The following OSBPL10 variants were observed in gnomAD, a reference collection of about 807,000 sequenced individuals.
OSBPL10 encodes the protein oxysterol-binding protein-related protein 10.
In OSBPL10, 49 loss-of-function variants were observed where a neutral mutation model predicts 81.7. The observed-to-expected ratio is 0.60, with a 90% confidence interval of 0.48 to 0.76. The LOEUF is 0.76. OSBPL10 is among the 30% of genes least tolerant of loss of function. The pLI is 0.00. For synonymous variants in OSBPL10, 419 were observed against 383.6 expected, an observed-to-expected ratio of 1.09 and a Z score of -1.08; for missense variants, 923 against 987.8, an observed-to-expected ratio of 0.93 and a Z score of 0.88.
At chr3:32,044,076 T>C (rs1437759157) in intron 2 of OSBPL10, among the ~76,000 whole-genome samples, 1 of 152,130 alleles carries the variant, frequency 6.6e-6, no homozygotes, top group African/African-American at 2.4e-5. Context: ...AGCCTGAACA[T>C]GTATCCCTTA....
chr3:31,832,706 T>A (rs1292551709), intron 3 of OSBPL10, among the ~76,000 whole-genome samples: 4 of 152,118 alleles, frequency 2.6e-5, no homozygotes, highest in Non-Finnish European at 5.9e-5. Context: ...CCAGAAAATG[T>A]CAAAGAAGTG....
At chr3:32,026,099 T>TAG (rs374883591) in intron 2 of OSBPL10, among the ~76,000 whole-genome samples, 11 of 148,428 alleles carry the variant, frequency 7.4e-5, no homozygotes, top group African/African-American at 2.2e-4. Context: ...AGATGATAGA[T>TAG]AGATAGAGAT....
At chr3:31,951,348 CAG>C (rs1486227390) in intron 1 of OSBPL10, among the ~76,000 whole-genome samples, 1 of 151,364 alleles carries the variant, frequency 6.6e-6, no homozygotes, top group African/African-American at 2.4e-5. Context: ...CTAAATAATA[CAG>C]AGAGATAACA....
chr3:31,766,483 T>C lies in OSBPL10; in HGVS notation c.730-18363A>G, dbSNP rs191243006. ...TCAGCTTCCCAAGTAGCTGGGAGTA[T>C]AGGCTCACACCATGACACCCAGATA... On this transcript the variant is annotated intron_variant, in intron 4 of 11. Coordinates refer to ENST00000396556, the MANE Select transcript of OSBPL10 (RefSeq NM_017784.5). Among the ~76,000 whole-genome samples the C allele has an allele frequency of 3.7e-4, 56 of 151,956 alleles. No individual in the cohort carries two copies. The East Asian group carries it at 0.01, about 28-fold the overall frequency.
chr3:31,937,241 G>A (rs950462291), intron 1 of OSBPL10, among the ~76,000 whole-genome samples: 4 of 149,372 alleles, frequency 2.7e-5, no homozygotes, highest in African/African-American at 5.0e-5. Context: ...CCGAGATTGC[G>A]CCACTGCACC....
chr3:31,697,575 A>C (rs1276568783), intron 7 of OSBPL10, among the ~76,000 whole-genome samples: 1 of 152,222 alleles, frequency 6.6e-6, no homozygotes, highest in Non-Finnish European at 1.5e-5. Context: ...AAAAACAATA[A>C]AACGAATAGC....
chr3:31,980,658 TCGCCTCCCTCCCCGCCACTG>T (rs1698808939), intron 1 of OSBPL10, among the ~76,000 whole-genome samples: 1 of 152,114 alleles, frequency 6.6e-6, no homozygotes, highest in African/African-American at 2.4e-5. Context: ...ACCAGGGCTC[TCGCCTCCCTCCCCGCCACTG>T]CGGTGCGGTC....
chr3:31,987,182 A>T (rs1167658832), intron 2 of OSBPL10, among the ~76,000 whole-genome samples: 1 of 152,144 alleles, frequency 6.6e-6, no homozygotes, highest in African/African-American at 2.4e-5. Flanking sequence ...CTATCTGCAT[A>T]GTTGTATATC....
intron 3 of OSBPL10, among the ~76,000 whole-genome samples, chr3:31,839,532 A>G (rs1478245512): frequency 6.6e-6 from 1 of 150,572 alleles, no homozygotes; most frequent in Non-Finnish European, 1.5e-5. Context: ...AAAAAACTTG[A>G]GGAGGCTTTC....
At chr3:32,077,383 A>G (rs1699884920) in intron 1 of OSBPL10, 2 of 152,236 alleles carry the variant, frequency 1.3e-5, no homozygotes, top group Admixed American at 1.3e-4. Flanking sequence ...ATGTTCGGTA[A>G]TTATCACATT....
intron 2 of OSBPL10, chr3:31,990,796 G>A (rs1247937977): frequency 1.1e-5 from 18 of 1,609,450 alleles, no homozygotes; most frequent in Admixed American, 5.1e-5. Flanking sequence ...TGATTTTGAC[G>A]AGGCCTTCAG....
chr3:31,970,180 A>G (rs531131215), intron 1 of OSBPL10, among the ~76,000 whole-genome samples: 26 of 152,226 alleles, frequency 1.7e-4, no homozygotes, highest in Non-Finnish European at 2.9e-4. Context: ...ACCTGCATCA[A>G]TTAGGGTTAG....
At chr3:32,060,080 C>A (rs1044681698) in intron 1 of OSBPL10, among the ~76,000 whole-genome samples, 2 of 147,504 alleles carry the variant, frequency 1.4e-5, no homozygotes, top group African/African-American at 2.5e-5. Flanking sequence ...AGTCAATGAG[C>A]TATATATATA....
chr3:31,934,178 C>CA (rs943903635), intron 1 of OSBPL10, among the ~76,000 whole-genome samples: 5 of 148,000 alleles, frequency 3.4e-5, no homozygotes, highest in African/African-American at 1.0e-4. Context: ...GTTGTTTTTA[C>CA]AAAAAAGGAA....
chr3:31,933,420 T>A (rs1224040106), intron 1 of OSBPL10, among the ~76,000 whole-genome samples: 1 of 149,810 alleles, frequency 6.7e-6, no homozygotes, highest in African/African-American at 2.4e-5. Flanking sequence ...TTTTTTTTTT[T>A]AGGAGACAGG....
At chr3:32,014,531 G>A (rs1052604266) in intron 2 of OSBPL10, among the ~76,000 whole-genome samples, 2 of 152,018 alleles carry the variant, frequency 1.3e-5, no homozygotes, top group Non-Finnish European at 2.9e-5. Flanking sequence ...TTTGAAAACT[G>A]GCACAAGACA....
chr3:31,787,220 G>A (rs987710636), intron 4 of OSBPL10, among the ~76,000 whole-genome samples: 1 of 152,136 alleles, frequency 6.6e-6, no homozygotes, highest in African/African-American at 2.4e-5. Flanking sequence ...TTCTTTTAAA[G>A]TCCTAAAAAT....
chr3:31,870,029 G>T (rs990186981), intron 3 of OSBPL10, among the ~76,000 whole-genome samples: 1 of 152,240 alleles, frequency 6.6e-6, no homozygotes, highest in African/African-American at 2.4e-5. Context: ...GGCACTTGAG[G>T]AGCCCTTCAG....
chr3:31,868,423 G>T (rs1427000677), intron 3 of OSBPL10, among the ~76,000 whole-genome samples: 2 of 151,888 alleles, frequency 1.3e-5, no homozygotes, highest in Non-Finnish European at 2.9e-5. Context: ...GGGTTTTGAA[G>T]CACCACATTC....
Sources: gnomAD v4.1 joint callset for allele counts (sites outside exome capture counted in the v4.1 genomes callset) on GRCh38, gnomAD v4.1.1 for gene constraint, MANE v1.5 for transcripts, NCBI Gene and HGNC (gene_info 2026-07-23, HGNC 2026-07-21) for gene names.